STK38L: variants seen among roughly 807,000 people sequenced by gnomAD.
The protein encoded by STK38L is serine/threonine kinase 38 like.
In STK38L, 28 loss-of-function variants were observed where a neutral mutation model predicts 59.7. That is an observed-to-expected ratio of 0.47 (90% confidence interval 0.35 to 0.64). STK38L has a LOEUF of 0.64. Ranked by LOEUF, STK38L falls within the 30% of genes least tolerant of loss-of-function variation. The pLI is 0.01. For synonymous variants in STK38L, 162 were observed against 176.8 expected, an observed-to-expected ratio of 0.92 and a Z score of 0.66; for missense variants, 314 against 555.8, an observed-to-expected ratio of 0.56 and a Z score of 4.37.
At chr12:27,259,401 T>C (rs16931790) in intron 1 of STK38L, among the ~76,000 whole-genome samples, 7,686 of 152,220 alleles carry the variant, frequency 0.05, 581 homozygotes, top group East Asian at 0.39. Flanking sequence ...TTATGGCCGC[T>C]TCACGTGTCA....
chr12:27,246,685 T>C (rs910414150), intron 1 of STK38L, among the ~76,000 whole-genome samples: 1 of 152,228 alleles, frequency 6.6e-6, no homozygotes, highest in African/African-American at 2.4e-5. Flanking sequence ...CCTCCTCTTC[T>C]TCCCCCCAAA....
chr12:27,288,637 C>G (rs1460388971), intron 1 of STK38L, among the ~76,000 whole-genome samples: 6 of 151,822 alleles, frequency 4.0e-5, no homozygotes, highest in Non-Finnish European at 8.8e-5. Context: ...CCACTTAATT[C>G]ATCTTTATAA....
chr12:27,315,108 A>C lies in STK38L; in HGVS notation c.766A>C (p.Ser256Arg), dbSNP rs1565555314. 1 of 1,613,370 alleles carries C rather than the reference A, an allele frequency of 6.2e-7. No homozygotes were observed. The highest frequency in any genetic ancestry group is 8.5e-7 in the Non-Finnish European group (1 of 1,179,552). The stretch of plus-strand genomic sequence containing the variant: ...TAGAAATCTCACACACAACCCACCA[A>C]GTGACTTCTGTAAGTTTGGTTGTTG... ...FYRNLTHNPP[S>R]DFSFQNMNSK... Residue 256 changes from serine to arginine, a missense_variant, in exon 8 of 14, where the codon AGT becomes CGT. Ser to Arg is a moderately radical substitution (Grantham distance 110). Around this residue, in one of 3 missense-constraint regions of STK38L, gnomAD observed 192 missense variants for 316.9 expected, o/e 0.61. Coordinates refer to ENST00000389032, the MANE Select transcript of STK38L (RefSeq NM_015000.4).
chr12:27,249,069 A>G (rs996436399), intron 1 of STK38L, among the ~76,000 whole-genome samples: 2 of 152,144 alleles, frequency 1.3e-5, no homozygotes, highest in African/African-American at 4.8e-5. Flanking sequence ...TCAAAAGAAA[A>G]CCAGTCATAC....
chr12:27,287,125 A>C (rs1167860283), intron 1 of STK38L, among the ~76,000 whole-genome samples: 1 of 139,136 alleles, frequency 7.2e-6, no homozygotes, highest in East Asian at 2.0e-4. Context: ...TTTGAGATGG[A>C]GTTTCACTCT....
At chr12:27,285,316 C>T (rs1027056700) in intron 1 of STK38L, among the ~76,000 whole-genome samples, 6 of 152,162 alleles carry the variant, frequency 3.9e-5, no homozygotes, top group Non-Finnish European at 8.8e-5. Context: ...TCTCCTGAAG[C>T]TGTTCAGTGA....
At chr12:27,282,256 A>G (rs1943676381) in intron 1 of STK38L, among the ~76,000 whole-genome samples, 1 of 152,238 alleles carries the variant, frequency 6.6e-6, no homozygotes, top group Non-Finnish European at 1.5e-5. Context: ...CATGTAATAA[A>G]TATAGTTCCT....
At chr12:27,272,059 A>G (rs1360417790) in intron 1 of STK38L, among the ~76,000 whole-genome samples, 3 of 152,182 alleles carry the variant, frequency 2.0e-5, no homozygotes, top group African/African-American at 7.2e-5. Context: ...AAACGCTCTC[A>G]TTGGTTCAAA....
chr12:27,283,712 C>A (rs1051290023), intron 1 of STK38L, among the ~76,000 whole-genome samples: 6 of 152,134 alleles, frequency 3.9e-5, no homozygotes, highest in Admixed American at 3.9e-4. Context: ...CAGAAAATAT[C>A]CAGTTTGGAA....
At chr12:27,244,581 G>T (rs919776424) in intron 1 of STK38L, among the ~76,000 whole-genome samples, 1 of 152,174 alleles carries the variant, frequency 6.6e-6, no homozygotes, top group Non-Finnish European at 1.5e-5. Flanking sequence ...TTTGTCCTCT[G>T]CTCCTTTCTC....
chr12:27,267,717 C>G (rs1041146379), intron 1 of STK38L, among the ~76,000 whole-genome samples: 1 of 98,220 alleles, frequency 1.0e-5, no homozygotes, highest in Admixed American at 1.0e-4. Context: ...AGTGAATAGT[C>G]TTCCCATTGT....
intron 5 of STK38L, among the ~76,000 whole-genome samples, chr12:27,311,645 C>T (rs187884887): frequency 1.2e-3 from 184 of 152,178 alleles, no homozygotes; most frequent in Non-Finnish European, 2.2e-3. Flanking sequence ...AATTATGTGT[C>T]CGAGAAATCA....
At chr12:27,312,753 CTT>C in intron 6 of STK38L, 81 bp downstream of exon 6, 1 of 1,514,610 alleles carries the variant, frequency 6.6e-7, no homozygotes, top group Non-Finnish European at 8.9e-7. Flanking sequence ...GTGAGGTTTA[CTT>C]TTATATTCTT....
intron 11 of STK38L, 129 bp from the exon 12 acceptor site, chr12:27,319,199 A>C: frequency 1.7e-6 from 1 of 600,652 alleles, no homozygotes; most frequent in East Asian, 2.9e-5. Flanking sequence ...CATTTCCTAC[A>C]ATAAACATAG....
Position 27,308,514 on chromosome 12 carries a change from TTTAAAATATGTG to T in STK38L, c.309+63_309+74del. On this transcript the variant is annotated intron_variant, in intron 4 of 13. Coordinates refer to ENST00000389032, the MANE Select transcript of STK38L (RefSeq NM_015000.4). The surrounding 1 kb of genome is among the most constrained non-coding windows in gnomAD (Gnocchi z 4.5). ...GCTGCAAATATATATCTTAAGATAA[TTTAAAATATGTG>T]TTAAAATATAATTCCTGGCTGGGTG... 16 of 1,440,858 alleles carry T rather than the reference TTTAAAATATGTG, an allele frequency of 1.1e-5. No homozygotes were observed. Among genetic ancestry groups the T allele is most frequent in the Middle Eastern group, 1.9e-4 (1 of 5,208 alleles). 89.3% of individuals were successfully genotyped at this position (1,440,858 alleles called of 1,614,324 possible).
In STK38L at chr12:27,278,005, A is replaced by C. The variant is rs1361220997; in HGVS notation, c.-11-19705A>C. ...CAGTGGAGGAGGGACTTTTCAGGTC[A>C]TGTATAAGGAGAGTAGGATCAGATT... is the stretch of plus-strand genomic sequence containing the variant. On this transcript the variant is annotated intron_variant, in intron 1 of 13. Transcript: ENST00000389032. Among the ~76,000 whole-genome samples, 5 of 152,218 alleles carry C rather than the reference A, an allele frequency of 3.3e-5. No homozygotes were observed. In the East Asian group the frequency reaches 9.6e-4, roughly 29 times the overall value.
At chr12:27,300,978 A>G (rs1402635438) in intron 2 of STK38L, among the ~76,000 whole-genome samples, 1 of 152,216 alleles carries the variant, frequency 6.6e-6, no homozygotes, top group Non-Finnish European at 1.5e-5. Context: ...CTGAAAAGTT[A>G]CTGTTATTCT....
In STK38L at chr12:27,315,053, A is replaced by G. The variant is rs201140076; in HGVS notation, c.711A>G (p.Gly237=). 139 of 1,613,322 alleles carry G rather than the reference A, an allele frequency of 8.6e-5. No individual in the cohort carries two copies. The highest frequency in any genetic ancestry group is 1.7e-4 in the Middle Eastern group (1 of 6,058). Residue 237 remains glycine (G), a synonymous_variant, in exon 8 of 14, where the codon GGA becomes GGG. Transcript: ENST00000389032. The part of the protein sequence containing the change: ...VKLSDFGLCT[G]LKKAHRTEFY... ...TATCTGATTTTGGTTTATGTACGGG[A>G]TTAAAGAAAGCTCACAGGACTGAAT... is the stretch of plus-strand genomic sequence containing the variant.
At chr12:27,269,426 G>A (rs1433359112) in intron 1 of STK38L, among the ~76,000 whole-genome samples, 2 of 152,136 alleles carry the variant, frequency 1.3e-5, no homozygotes, top group Non-Finnish European at 2.9e-5. Context: ...AGATCAGATG[G>A]TTGTAGATAC....
Sources: gnomAD v4.1 joint callset for allele counts (sites outside exome capture counted in the v4.1 genomes callset) on GRCh38, gnomAD v4.1.1 for gene constraint, gnomAD v4.1.1 regional missense constraint, Gnocchi (gnomAD v3.1) non-coding constraint, MANE v1.5 for transcripts, NCBI Gene and HGNC (gene_info 2026-07-23, HGNC 2026-07-21) for gene names.